The following NEDD8 variants were observed in gnomAD, a reference collection of about 807,000 sequenced individuals.
The protein encoded by NEDD8 is ubiquitin-like protein NEDD8.
Under a neutral mutation model 13.8 loss-of-function variants are expected in NEDD8, and 1 was observed. The ratio of observed to expected loss-of-function variants is 0.07; its 90% confidence interval spans 0.03 to 0.34. The LOEUF (loss-of-function observed/expected upper bound fraction) is 0.34. Among genes scored for constraint, NEDD8 ranks in the 10% least tolerant of loss-of-function variants. NEDD8 has a pLI of 0.99. For missense variants in NEDD8, 10 were observed against 95.2 expected (o/e 0.10, Z 3.73); for synonymous variants, 31 against 33.2 (o/e 0.93, Z 0.23).
At chr14:24,223,280 C>G (rs1399435716) in intron 1 of NEDD8, among the ~76,000 whole-genome samples, 1 of 151,568 alleles carries the variant, frequency 6.6e-6, no homozygotes, top group Non-Finnish European at 1.5e-5. Flanking sequence ...GCCTGTAGTC[C>G]CAGCAACTGG....
At chr14:24,222,726 TA>T (rs2039826899) in intron 1 of NEDD8, among the ~76,000 whole-genome samples, 1 of 152,160 alleles carries the variant, frequency 6.6e-6, no homozygotes, top group African/African-American at 2.4e-5. Context: ...GTAATCAATA[TA>T]AAAATTAATA....
chr14:24,230,216 CT>C (rs2039968546), intron 1 of NEDD8, among the ~76,000 whole-genome samples: 2 of 51,822 alleles, frequency 3.9e-5, no homozygotes, highest in Non-Finnish European at 6.1e-5. Flanking sequence ...GAGACTCTGT[CT>C]CAAAAAAAAA....
At position 24,216,954 on chromosome 14, in the gene NEDD8, G is replaced by A. The variant is rs2039711939; in HGVS notation, c.*173C>T. The A allele has an allele frequency of 1.7e-6, 1 of 600,604 alleles. No individual in the cohort carries two copies. Among genetic ancestry groups the A allele is most frequent in the African/African-American group, 1.9e-5 (1 of 53,500 alleles). The allele number at this position is 600,604 out of a possible 1,614,324, so 37.2% of individuals were successfully genotyped here. Reference sequence around the variant, plus strand: ...CAAACTAACACCCAGTAGCCAGCAAGGGCCCTCTGGGCCAGGAATACTGAA... The same window carrying A: ...CAAACTAACACCCAGTAGCCAGCAAAGGCCCTCTGGGCCAGGAATACTGAA... On this transcript the variant is annotated 3_prime_UTR_variant, in exon 4 of 4. Transcript: ENST00000250495.
rs1450975744 is a variant in NEDD8, at chr14:24,229,217, GTTATT to G, written c.18+3028_18+3032del. Reference sequence around the variant, plus strand: ...CAGCATTGATTTTTTTGTTCAAACAGTTATTTTATTTATTTATTTTTTGAGACAGT... The same window carrying G: ...CAGCATTGATTTTTTTGTTCAAACAGTTATTTATTTATTTTTTGAGACAGT... On this transcript the variant is annotated intron_variant, in intron 1 of 3. Coordinates refer to ENST00000250495, the MANE Select transcript of NEDD8 (RefSeq NM_006156.3). Among the ~76,000 whole-genome samples the G allele has an allele frequency of 8.5e-5, 13 of 152,180 alleles. No homozygotes were observed. The South Asian group carries it at 1.9e-3, about 22-fold the overall frequency.
chr14:24,231,944 C>G, intron 1 of NEDD8: 1 of 382,856 alleles, frequency 2.6e-6, no homozygotes, highest in Non-Finnish European at 4.7e-6. Flanking sequence ...GCTAGGCCTT[C>G]TCTATGACTG....
At chr14:24,224,977 G>A (rs1031521827) in intron 1 of NEDD8, among the ~76,000 whole-genome samples, 1 of 152,132 alleles carries the variant, frequency 6.6e-6, no homozygotes, top group Admixed American at 6.6e-5. Context: ...TGGCCAACAT[G>A]GCAAAATGTC....
At chr14:24,217,340 A>T (rs1307470977) in intron 3 of NEDD8, 117 bp from the exon 4 acceptor site, 11 of 804,652 alleles carry the variant, frequency 1.4e-5, no homozygotes, top group Non-Finnish European at 2.2e-5. Flanking sequence ...TCTAGGCTGG[A>T]GTACAGTGGC....
At chr14:24,224,131 G>A in intron 1 of NEDD8, among the ~76,000 whole-genome samples, 1 of 152,072 alleles carries the variant, frequency 6.6e-6, no homozygotes, top group Non-Finnish European at 1.5e-5. Context: ...GGTTTTCACT[G>A]TGTTAGCCAG....
intron 3 of NEDD8, 50 bp from the exon 4 acceptor site, chr14:24,217,273 T>TG (rs2039719360): frequency 2.8e-6 from 4 of 1,454,168 alleles, no homozygotes; most frequent in East Asian, 2.4e-5. Context: ...CTTAGGAGTT[T>TG]TTTGTTGTTG....
In NEDD8 at chr14:24,217,227, C is replaced by A. The variant is rs373536453; in HGVS notation, c.150-4G>T. 5.2e-5 allele frequency: 83 copies of A among 1,606,324 alleles called. No individual in the cohort carries two copies. The highest frequency in any genetic ancestry group is 6.7e-5 in the South Asian group (6 of 89,422). On this transcript the variant is annotated splice_polypyrimidine_tract_variant and splice_region_variant and intron_variant, in intron 3 of 3. Coordinates refer to ENST00000250495, the MANE Select transcript of NEDD8 (RefSeq NM_006156.3). ...AGCTGCTGTCTTCTCATCATTCCTG[C>A]AGGAAAAGGAAGCCAGAAAAAAAAG...
At chr14:24,230,407 C>T (rs1298944659) in intron 1 of NEDD8, among the ~76,000 whole-genome samples, 12 of 144,656 alleles carry the variant, frequency 8.3e-5, no homozygotes, top group East Asian at 4.4e-4. Flanking sequence ...TGGTGGCAGG[C>T]GCCTGTAGTC....
At chr14:24,223,085 C>CAAAAAAA (rs71426836) in intron 1 of NEDD8, among the ~76,000 whole-genome samples, 1 of 75,588 alleles carries the variant, frequency 1.3e-5, no homozygotes, top group Non-Finnish European at 2.5e-5. Context: ...GACTGCATTT[C>CAAAAAAA]AAAAAAAAAA....
Position 24,216,904 on chromosome 14 carries a change from T to C in NEDD8, c.*223A>G. On this transcript the variant is annotated 3_prime_UTR_variant, in exon 4 of 4. Transcript: ENST00000250495. The stretch of plus-strand genomic sequence containing the variant: ...TTATTGACAACCAGGGACACAGTCA[T>C]AAGAGAGGGAAGCACACAGGACTGC... 1 of 516,082 alleles carries C rather than the reference T, an allele frequency of 1.9e-6. No individual in the cohort carries two copies. Among genetic ancestry groups the C allele is most frequent in the East Asian group, 3.2e-5 (1 of 31,686 alleles). The allele number at this position is 516,082 out of a possible 1,614,324, so 32.0% of individuals were successfully genotyped here.
At chr14:24,226,269 A>T (rs1218939194) in intron 1 of NEDD8, among the ~76,000 whole-genome samples, 1 of 152,072 alleles carries the variant, frequency 6.6e-6, no homozygotes, top group Non-Finnish European at 1.5e-5. Flanking sequence ...AGGCAGGTGG[A>T]TCACTTGAGG....
intron 1 of NEDD8, among the ~76,000 whole-genome samples, chr14:24,222,048 T>C (rs2138889201): frequency 6.6e-6 from 1 of 152,316 alleles, no homozygotes. Flanking sequence ...AAATCGACTG[T>C]AGAGGCCCAT....
intron 3 of NEDD8, among the ~76,000 whole-genome samples, chr14:24,217,446 C>T (rs752498484): frequency 6.6e-6 from 1 of 152,030 alleles, no homozygotes; most frequent in South Asian, 2.1e-4. Context: ...CCCACCACCA[C>T]GCCCAGCTAA....
At chr14:24,220,250 A>G (rs1449958788) in intron 1 of NEDD8, among the ~76,000 whole-genome samples, 2 of 152,246 alleles carry the variant, frequency 1.3e-5, no homozygotes, top group Non-Finnish European at 2.9e-5. Flanking sequence ...CAGTCAATGA[A>G]TATTTTTGAA....
chr14:24,232,280 T>C lies in NEDD8; in HGVS notation c.-13A>G, dbSNP rs765959352. ...CTTTAATTAGCATCTTCTTTCCAGT[T>C]TGGGGCTGCACACGGATAAATTGCT... On this transcript the variant is annotated 5_prime_UTR_variant, in exon 1 of 4. Coordinates refer to ENST00000250495, the MANE Select transcript of NEDD8 (RefSeq NM_006156.3). 3 of 1,613,562 alleles carry C rather than the reference T, an allele frequency of 1.9e-6. No homozygotes were observed.
intron 1 of NEDD8, among the ~76,000 whole-genome samples, chr14:24,219,853 C>G (rs2039773838): frequency 1.3e-5 from 2 of 152,100 alleles, no homozygotes; most frequent in South Asian, 2.1e-4. Flanking sequence ...GTAAGATCTC[C>G]TCCTGGCCGG....
Sources: allele counts gnomAD v4.1 joint callset (sites outside exome capture counted in the v4.1 genomes callset), GRCh38; gene constraint gnomAD v4.1.1; transcripts MANE v1.5; gene names NCBI Gene and HGNC (gene_info 2026-07-23, HGNC 2026-07-21).